APOA5: variants seen among roughly 807,000 people sequenced by gnomAD.
The protein encoded by APOA5 is apolipoprotein A5.
A neutral mutation model predicts 31.8 loss-of-function variants in APOA5; 26 were observed. That is an observed-to-expected ratio of 0.82 (90% CI 0.60 to 1.13). The LOEUF (loss-of-function observed/expected upper bound fraction) is 1.13, where lower values mean the gene tolerates loss of function less well. APOA5 is among the 50% of genes most tolerant of loss of function. The pLI is 0.00. For synonymous variants in APOA5, 186 were observed against 198.5 expected (o/e 0.94, Z 0.53); for missense variants, 450 against 488.0 (o/e 0.92, Z 0.73).
chr11:116,791,013 T>C lies in APOA5; in HGVS notation c.216A>G (p.Glu72=). 1.2e-6 allele frequency: 2 copies of C among 1,610,788 alleles called. No individual in the cohort carries two copies. Among genetic ancestry groups the C allele is most frequent in the Non-Finnish European group, 1.7e-6 (2 of 1,178,618 alleles). ...CGCTCCCACTCAGAGGCCTCAGCTT[T>C]TCCAGGAACTTGTTCATATTGTTGA... is the stretch of plus-strand genomic sequence containing the variant. ...QDLNNMNKFL[E]KLRPLSGSEA... is the part of the protein sequence containing the mutation. The change falls in exon 3 of 3, where the codon GAA becomes GAG. Residue 72 remains glutamate, a synonymous_variant. Coordinates refer to ENST00000227665, the MANE Select transcript of APOA5 (RefSeq NM_001371904.1).
At position 116,790,464 on chromosome 11, in the gene APOA5, T is replaced by C; in HGVS notation, c.765A>G (p.Glu255=). The change falls in exon 3 of 3, where the codon GAA becomes GAG. Residue 255 remains glutamate (E), a synonymous_variant. Transcript: ENST00000227665. ...RIQQNLDQLR[E]ELSRAFAGTG... ...TGCCTGCAAAGGCTCTGCTGAGCTC[T>C]TCGCGCAGCTGGTCCAGGTTCTGCT... is the stretch of plus-strand genomic sequence containing the variant. 6.2e-7 allele frequency: 1 copy of C among 1,603,180 alleles called. No individual in the cohort carries two copies. The highest frequency in any genetic ancestry group is 8.5e-7 in the Non-Finnish European group (1 of 1,179,880).
chr11:116,791,045 G>A lies in APOA5; in HGVS notation c.184C>T (p.Gln62Ter). 1.9e-6 allele frequency: 3 copies of A among 1,611,624 alleles called. No individual in the cohort carries two copies. The highest frequency in any genetic ancestry group is 2.5e-6 in the Non-Finnish European group (3 of 1,179,608). The change falls in exon 3 of 3, where the codon CAA becomes TAA. Residue 62 changes from glutamine to a stop codon, truncating the protein, a stop_gained. Coordinates refer to ENST00000227665, the MANE Select transcript of APOA5 (RefSeq NM_001371904.1). LOFTEE classifies it high-confidence loss of function. ...EPATLKDSLE[Q>*]DLNNMNKFLE... ...AACTTGTTCATATTGTTGAGGTCTTGCTCAAGGCTGTCTTTCAGGGTCCTG... is the reference window on the plus strand; with the variant it reads ...AACTTGTTCATATTGTTGAGGTCTTACTCAAGGCTGTCTTTCAGGGTCCTG...
At chr11:116,791,745 G>C (rs776055283) in intron 1 of APOA5, 48 bp from the exon 2 acceptor site, 2 of 1,612,982 alleles carry the variant, frequency 1.2e-6, no homozygotes, top group African/African-American at 1.3e-5. Context: ...CCTCCCCCAG[G>C]GTGGACAGGG....
chr11:116,792,084 C>T (rs1021789299), upstream of APOA5, among the ~76,000 whole-genome samples: 1 of 152,144 alleles, frequency 6.6e-6, no homozygotes, highest in Admixed American at 6.5e-5. Flanking sequence ...GGGAAGAGGG[C>T]GTGCTCTTGC....
chr11:116,790,602 C>A lies in APOA5; in HGVS notation c.627G>T (p.Leu209=), dbSNP rs1940987156. 2 of 1,605,944 alleles carry A rather than the reference C, an allele frequency of 1.2e-6. No homozygotes were observed. The highest frequency in any genetic ancestry group is 1.7e-6 in the Non-Finnish European group (2 of 1,179,414). Residue 209 remains leucine (L), a synonymous_variant, in exon 3 of 3, where the codon CTG becomes CTT. Transcript: ENST00000227665. The stretch of plus-strand genomic sequence containing the variant: ...GGGCGTGCGGAGCCACACTGCGGTG[C>A]AGCTCCTGCACGTGGCGCCCGATGC... The part of the protein sequence containing the change: ...VSGIGRHVQE[L]HRSVAPHAPA...
At chr11:116,791,970 G>A (rs559652710), upstream of APOA5, 23 of 1,211,050 alleles carry the variant, frequency 1.9e-5, no homozygotes, top group South Asian at 1.7e-4. Flanking sequence ...GCAACTGCCC[G>A]AAATCCTGTT....
At chr11:116,792,316 T>A, upstream of APOA5, 1 of 280,320 alleles carries the variant, frequency 3.6e-6, no homozygotes, top group Non-Finnish European at 7.0e-6. Context: ...GGCTCTCCCC[T>A]GAGGCCACCT....
rs756397368 is a variant in APOA5, at chr11:116,791,799, G to C, written c.49+13C>G. The C allele has an allele frequency of 1.2e-6, 2 of 1,614,124 alleles. No individual in the cohort carries two copies. The highest frequency in any genetic ancestry group is 4.5e-5 in the East Asian group (2 of 44,902). The stretch of plus-strand genomic sequence containing the variant: ...CCCACACCCCCACGTTGAAGTCAGG[G>C]TCGGAGACCCACCTGAAAGAAGAGC... On this transcript the variant is annotated intron_variant, in intron 1 of 2. Coordinates refer to ENST00000227665, the MANE Select transcript of APOA5 (RefSeq NM_001371904.1).
At position 116,791,715 on chromosome 11, in the gene APOA5, G is replaced by GT. The variant is rs1285692129; in HGVS notation, c.50-19dup. On this transcript the variant is annotated intron_variant, in intron 1 of 2. Coordinates refer to ENST00000227665, the MANE Select transcript of APOA5 (RefSeq NM_001371904.1). The stretch of plus-strand genomic sequence containing the variant: ...CGAAAACGCTGTGGAGAGGGACTAG[G>GT]TAATCAGGGCCTGGGCTCTCCTCCC... 1 of 1,609,044 alleles carries GT rather than the reference G, an allele frequency of 6.2e-7. No individual in the cohort carries two copies. Among genetic ancestry groups the GT allele is most frequent in the Non-Finnish European group, 8.5e-7 (1 of 1,177,664 alleles).
rs34282181 is a variant in APOA5 at position 116,791,636 on chromosome 11, G to T, written c.111C>A (p.Asp37Glu). 3,413 of 1,610,130 alleles carry T rather than the reference G, an allele frequency of 2.1e-3. 49 individuals carry two copies. In the African/African-American group the frequency reaches 0.037, roughly 17 times the overall value. ...FWDYFSQTSGDKGRVEQIHQQ... is the reference protein window; with the variant it reads ...FWDYFSQTSGEKGRVEQIHQQ... Reference sequence around the variant, plus strand: ...GATGGATCTGCTCCACCCTGCCTTTGTCCCCGCTGGTCTGGCTGAAGTAGT... The same window carrying T: ...GATGGATCTGCTCCACCCTGCCTTTTTCCCCGCTGGTCTGGCTGAAGTAGT... Residue 37 changes from aspartate (D) to glutamate (E), a missense_variant, in exon 2 of 3, where the codon GAC becomes GAA. Physicochemically the swap from Asp to Glu is conservative, Grantham distance 45 (BLOSUM62 2). Transcript: ENST00000227665.
chr11:116,790,632 C>T lies in APOA5; in HGVS notation c.597G>A (p.Val199=), dbSNP rs374702553. The T allele has an allele frequency of 1.3e-4, 212 of 1,610,842 alleles. No homozygotes were observed. Among genetic ancestry groups the T allele is most frequent in the Non-Finnish European group, 1.7e-4 (200 of 1,179,846 alleles). Reference sequence around the variant, plus strand: ...CCTGCACGTGGCGCCCGATGCCGCTCACCAGGCTCTCGGCGTATGGGTGGA... The same window carrying T: ...CCTGCACGTGGCGCCCGATGCCGCTTACCAGGCTCTCGGCGTATGGGTGGA... ...ELFHPYAESL[V]SGIGRHVQEL... is the part of the protein sequence containing the mutation. The change falls in exon 3 of 3, where the codon GTG becomes GTA. Residue 199 remains valine, a synonymous_variant. Coordinates refer to ENST00000227665, the MANE Select transcript of APOA5 (RefSeq NM_001371904.1).
intron 2 of APOA5, chr11:116,791,335 T>C: frequency 1.4e-6 from 1 of 701,576 alleles, no homozygotes; most frequent in South Asian, 1.5e-5. Context: ...GCAGCGGGCG[T>C]CCTCCCGATT....
In APOA5 at chr11:116,791,636, G is replaced by A. The variant is rs34282181; in HGVS notation, c.111C>T (p.Asp37=). 1 of 1,610,130 alleles carries A rather than the reference G, an allele frequency of 6.2e-7. No individual in the cohort carries two copies. Among genetic ancestry groups the A allele is most frequent in the Admixed American group, 1.7e-5 (1 of 59,602 alleles). The change falls in exon 2 of 3, where the codon GAC becomes GAT. Residue 37 remains aspartate, a synonymous_variant. Coordinates refer to ENST00000227665, the MANE Select transcript of APOA5 (RefSeq NM_001371904.1). The part of the protein sequence containing the change: ...FWDYFSQTSG[D]KGRVEQIHQQ... ...GATGGATCTGCTCCACCCTGCCTTT[G>A]TCCCCGCTGGTCTGGCTGAAGTAGT...
Position 116,790,512 on chromosome 11 carries a change from G to C in APOA5, c.717C>G (p.Ala239=). The C allele has an allele frequency of 1.9e-6, 3 of 1,599,642 alleles. No homozygotes were observed. Among genetic ancestry groups the C allele is most frequent in the Non-Finnish European group, 2.5e-6 (3 of 1,177,994 alleles). Residue 239 remains alanine (A), a synonymous_variant, in exon 3 of 3, where the codon GCC becomes GCG. Transcript: ENST00000227665. The part of the protein sequence containing the change: ...QVLSRKLTLK[A]KALHARIQQN... ...GCTGGATGCGTGCGTGCAGGGCCTTGGCCTTGAGCGTGAGCTTCCGGGAGA... is the reference window on the plus strand; with the variant it reads ...GCTGGATGCGTGCGTGCAGGGCCTTCGCCTTGAGCGTGAGCTTCCGGGAGA...
In APOA5 at chr11:116,790,675, C is replaced by T. The variant is rs144211639; in HGVS notation, c.554G>A (p.Gly185Asp). 6 of 1,612,444 alleles carry T rather than the reference C, an allele frequency of 3.7e-6. No individual in the cohort carries two copies. In the African/African-American group the frequency reaches 5.3e-5, roughly 14 times the overall value. ...TGGGTGGAAGAGCTCTTTGAAGCGG[C>T]CGGTGTGGTGCACCACGCGGCTCTG... ...GLQSRVVHHTGRFKELFHPYA... is the reference protein window; with the variant it reads ...GLQSRVVHHTDRFKELFHPYA... The change falls in exon 3 of 3, where the codon GGC (glycine) becomes GAC (aspartate). Residue 185 changes from glycine to aspartate, a missense_variant. Physicochemically the swap from Gly to Asp is moderately conservative, Grantham distance 94. Coordinates refer to ENST00000227665, the MANE Select transcript of APOA5 (RefSeq NM_001371904.1).
In APOA5 at chr11:116,790,934, C is replaced by T. The variant is rs138033117; in HGVS notation, c.295G>A (p.Glu99Lys). Residue 99 changes from glutamate (E) to lysine (K), a missense_variant, in exon 3 of 3, where the codon GAG becomes AAG. Physicochemically the swap from Glu to Lys is moderately conservative, Grantham distance 56 (BLOSUM62 1). Transcript: ENST00000227665. ...PVGMRRQLQE[E>K]LEEVKARLQP... The stretch of plus-strand genomic sequence containing the variant: ...AGGCGAGCCTTCACCTCCTCCAACT[C>T]CTCCTGCAGCTGCCGCCGCATGCCC... 9 of 1,613,234 alleles carry T rather than the reference C, an allele frequency of 5.6e-6. No homozygotes were observed. Among genetic ancestry groups the T allele is most frequent in the Non-Finnish European group, 7.6e-6 (9 of 1,180,042 alleles).
At position 116,791,865 on chromosome 11, in the gene APOA5, T is replaced by G. The variant is rs754912668; in HGVS notation, c.-5A>C. ...CACGGCAGCCATGCTTGCCATTACC[T>G]GCTCTGAGAAGACAGGTGGAGGGAG... On this transcript the variant is annotated 5_prime_UTR_variant, in exon 1 of 3. Transcript: ENST00000227665. 1.9e-6 allele frequency: 3 copies of G among 1,613,996 alleles called. No individual in the cohort carries two copies. The highest frequency in any genetic ancestry group is 1.7e-6 in the Non-Finnish European group (2 of 1,180,022).
chr11:116,791,358 C>G, intron 2 of APOA5: 4 of 703,184 alleles, frequency 5.7e-6, no homozygotes, highest in South Asian at 3.1e-5. Flanking sequence ...TCCCAGGTCC[C>G]GCGCCTCAGT....
In APOA5 at chr11:116,791,566, C is replaced by T; in HGVS notation, c.161+20G>A. 1 of 1,584,258 alleles carries T rather than the reference C, an allele frequency of 6.3e-7. No individual in the cohort carries two copies. Among genetic ancestry groups the T allele is most frequent in the Non-Finnish European group, 8.6e-7 (1 of 1,166,048 alleles). ...AGCTGTCTCCTCCCTTCGCCTACAC[C>T]CCTTCCCCTGGGCACTCACGCGGGC... On this transcript the variant is annotated intron_variant, in intron 2 of 2. Coordinates refer to ENST00000227665, the MANE Select transcript of APOA5 (RefSeq NM_001371904.1).
Sources: gnomAD v4.1 joint callset for allele counts (sites outside exome capture counted in the v4.1 genomes callset) on GRCh38, gnomAD v4.1.1 for gene constraint, MANE v1.5 for transcripts, NCBI Gene and HGNC (gene_info 2026-07-23, HGNC 2026-07-21) for gene names.